Variants in IL1RAP observed in about 807,000 individuals in gnomAD.
IL1RAP encodes the protein interleukin-1 receptor accessory protein.
IL1RAP carries 35 observed loss-of-function variants against 60.7 expected under a neutral mutation model. The ratio of observed to expected loss-of-function variants is 0.58; its 90% CI spans 0.44 to 0.76. The LOEUF (loss-of-function observed/expected upper bound fraction) is 0.76. Among genes scored for constraint, IL1RAP ranks in the 30% least tolerant of loss-of-function variants. The pLI, the probability that IL1RAP is intolerant of heterozygous loss-of-function variation, is 0.00. For synonymous variants in IL1RAP, 268 were observed against 250.9 expected (o/e 1.07, Z -0.64); for missense variants, 572 against 693.9 (o/e 0.82, Z 1.97).
At chr3:190,537,177 G>A (rs1029095055) in intron 1 of IL1RAP, among the ~76,000 whole-genome samples, 9 of 152,204 alleles carry the variant, frequency 5.9e-5, no homozygotes, top group East Asian at 5.8e-4. Flanking sequence ...AAGTGATAGA[G>A]AATTTATTAG....
intron 2 of IL1RAP, chr3:190,564,000 T>G (rs1726144597): frequency 9.1e-6 from 3 of 331,180 alleles, no homozygotes; most frequent in Admixed American, 4.2e-5. Context: ...ATCGTGGTGA[T>G]GTTATTGAAA....
chr3:190,574,393 G>C (rs1018708147), intron 3 of IL1RAP, among the ~76,000 whole-genome samples: 1 of 152,198 alleles, frequency 6.6e-6, no homozygotes, highest in Non-Finnish European at 1.5e-5. Context: ...AGGTGGCTTG[G>C]TACAGGTGCA....
At chr3:190,529,914 C>T (rs1722851994) in intron 1 of IL1RAP, among the ~76,000 whole-genome samples, 2 of 151,766 alleles carry the variant, frequency 1.3e-5, no homozygotes, top group East Asian at 1.9e-4. Flanking sequence ...GCTGCTGCCC[C>T]ATCTAGGAGG....
intron 9 of IL1RAP, among the ~76,000 whole-genome samples, chr3:190,635,438 G>A (rs1733144379): frequency 6.6e-6 from 1 of 152,080 alleles, no homozygotes. Flanking sequence ...AATGTAAGCT[G>A]TATCACTGAT....
chr3:190,598,690 C>T (rs1357554774), intron 3 of IL1RAP, among the ~76,000 whole-genome samples: 2 of 152,090 alleles, frequency 1.3e-5, no homozygotes, highest in Non-Finnish European at 2.9e-5. Context: ...TTTATCTCTT[C>T]TAATATTTCC....
At chr3:190,635,802 G>C (rs182643517) in intron 9 of IL1RAP, among the ~76,000 whole-genome samples, 2 of 152,152 alleles carry the variant, frequency 1.3e-5, no homozygotes, top group African/African-American at 4.8e-5. Flanking sequence ...CTGGGAGCAG[G>C]TATCTCCAAC....
chr3:190,579,275 C>T (rs1262815715), intron 3 of IL1RAP, among the ~76,000 whole-genome samples: 2 of 152,106 alleles, frequency 1.3e-5, no homozygotes, highest in Non-Finnish European at 2.9e-5. Context: ...TTGTATTGGG[C>T]TTACACTGTG....
In IL1RAP at chr3:190,627,405, A is replaced by G. The variant is rs755296387; in HGVS notation, c.858A>G (p.Gly286=). 6.2e-7 allele frequency: 1 copy of G among 1,613,044 alleles called. No individual in the cohort carries two copies. Among genetic ancestry groups the G allele is most frequent in the South Asian group, 1.1e-5 (1 of 91,020 alleles). ...SRNEVWWTID[G]KKPDDITIDV... Reference sequence around the variant, plus strand: ...ATGAGGTTTGGTGGACCATTGATGGAAAAAAACCTGATGACATCACTATTG... The same window carrying G: ...ATGAGGTTTGGTGGACCATTGATGGGAAAAAACCTGATGACATCACTATTG... The change falls in exon 8 of 12, where the codon GGA becomes GGG. Residue 286 remains glycine (G), a synonymous_variant. Transcript: ENST00000447382.
At chr3:190,524,989 C>T (rs1722388554) in intron 1 of IL1RAP, among the ~76,000 whole-genome samples, 1 of 151,530 alleles carries the variant, frequency 6.6e-6, no homozygotes, top group African/African-American at 2.4e-5. Context: ...TGTCTATGTA[C>T]ATATATATAT....
Position 190,650,124 on chromosome 3 carries a change from G to A in IL1RAP, c.*1419G>A, listed in dbSNP as rs145446649. On this transcript the variant is annotated 3_prime_UTR_variant, in exon 12 of 12. Transcript: ENST00000447382. ...TGTATATGACTTTAAATAGCTATGG[G>A]TACAATATTAAAAACCACTGGAACT... 4.6e-4 allele frequency: 447 copies of A among 976,012 alleles called. 1 individual carries two copies. The African/African-American group carries it at 7.1e-3, about 15-fold the overall frequency. 60.5% of individuals were successfully genotyped at this position (976,012 alleles called of 1,614,324 possible). A position where few individuals can be genotyped will look rare whatever the true frequency, so the allele number is the denominator to read the frequency against.
chr3:190,546,519 T>C (rs1724384258), intron 1 of IL1RAP, among the ~76,000 whole-genome samples: 1 of 152,240 alleles, frequency 6.6e-6, no homozygotes, highest in Non-Finnish European at 1.5e-5. Context: ...CACAGCTACA[T>C]AGCTTTGTAG....
At chr3:190,534,810 G>A (rs2108545632) in intron 1 of IL1RAP, among the ~76,000 whole-genome samples, 1 of 151,548 alleles carries the variant, frequency 6.6e-6, no homozygotes, top group South Asian at 2.1e-4. Context: ...TCCTCCCTGG[G>A]CCTTTACTTC....
At chr3:190,591,316 G>A (rs967630672) in intron 3 of IL1RAP, among the ~76,000 whole-genome samples, 6 of 152,188 alleles carry the variant, frequency 3.9e-5, no homozygotes, top group Admixed American at 6.5e-5. Context: ...GATAGGAAGT[G>A]GCAGAACGAG....
chr3:190,606,476 G>A (rs1730339301), intron 4 of IL1RAP, among the ~76,000 whole-genome samples: 1 of 152,170 alleles, frequency 6.6e-6, no homozygotes, highest in Non-Finnish European at 1.5e-5. Context: ...AAGTCATCAG[G>A]AGCTTTCTGT....
intron 3 of IL1RAP, among the ~76,000 whole-genome samples, chr3:190,565,152 T>G (rs1180161992): frequency 1.3e-5 from 2 of 151,336 alleles, no homozygotes; most frequent in Non-Finnish European, 2.9e-5. Context: ...TTTACTTGGT[T>G]CAACTGTAGG....
intron 3 of IL1RAP, among the ~76,000 whole-genome samples, chr3:190,578,752 G>C (rs1450012839): frequency 1.3e-5 from 2 of 152,204 alleles, no homozygotes; most frequent in Non-Finnish European, 2.9e-5. Context: ...TGGTTGGGGA[G>C]GCCTCAAAAT....
At chr3:190,588,573 T>TTG (rs1241914190) in intron 3 of IL1RAP, among the ~76,000 whole-genome samples, 1 of 152,146 alleles carries the variant, frequency 6.6e-6, no homozygotes, top group Non-Finnish European at 1.5e-5. Context: ...CACAAGATGT[T>TTG]TGTGTGTGTA....
At chr3:190,552,997 G>A (rs993474389) in intron 1 of IL1RAP, among the ~76,000 whole-genome samples, 1 of 152,130 alleles carries the variant, frequency 6.6e-6, no homozygotes, top group Admixed American at 6.6e-5. Context: ...TAAAGGCTCA[G>A]AGCAAGGAAA....
intron 1 of IL1RAP, among the ~76,000 whole-genome samples, chr3:190,528,146 T>C (rs1236789273): frequency 6.6e-6 from 1 of 152,224 alleles, no homozygotes; most frequent in Non-Finnish European, 1.5e-5. Flanking sequence ...TTGGAATTTA[T>C]TGAGGTGAGA....
Sources: gnomAD v4.1 joint callset for allele counts (sites outside exome capture counted in the v4.1 genomes callset) on GRCh38, gnomAD v4.1.1 for gene constraint, MANE v1.5 for transcripts, NCBI Gene and HGNC (gene_info 2026-07-23, HGNC 2026-07-21) for gene names.